ATF6: variants seen among roughly 807,000 people sequenced by gnomAD.
ATF6 encodes cyclic AMP-dependent transcription factor ATF-6 alpha.
ATF6 carries 53 observed loss-of-function variants against 83.6 expected under a neutral mutation model. The ratio of observed to expected loss-of-function variants is 0.63; its 90% CI spans 0.51 to 0.80. ATF6 has a LOEUF of 0.80. Among genes scored for constraint, ATF6 ranks in the 30% least tolerant of loss-of-function variants. The pLI is 0.00. For missense variants in ATF6, 744 were observed against 797.9 expected, an observed-to-expected ratio of 0.93 and a Z score of 0.81; for synonymous variants, 288 against 285.8, an observed-to-expected ratio of 1.01 and a Z score of -0.08.
At chr1:161,851,430 T>C (rs1686629001) in intron 10 of ATF6, among the ~76,000 whole-genome samples, 1 of 152,212 alleles carries the variant, frequency 6.6e-6, no homozygotes, top group South Asian at 2.1e-4. Flanking sequence ...GTGCATGTCT[T>C]AAGCTCATTG....
chr1:161,877,170 A>G (rs1161442033), intron 14 of ATF6, among the ~76,000 whole-genome samples: 3 of 152,060 alleles, frequency 2.0e-5, no homozygotes, highest in African/African-American at 7.2e-5. Context: ...ATGCACTCAG[A>G]AAATAGTTTT....
intron 14 of ATF6, among the ~76,000 whole-genome samples, chr1:161,870,522 G>GT (rs1044470645): frequency 3.4e-4 from 51 of 151,662 alleles, no homozygotes; most frequent in African/African-American, 1.2e-3. Context: ...TGGGGTTTTT[G>GT]TGTGTGTAAA....
chr1:161,828,597 G>C (rs1182595943), intron 9 of ATF6, among the ~76,000 whole-genome samples: 1 of 152,136 alleles, frequency 6.6e-6, no homozygotes. Flanking sequence ...AACAAAAGTT[G>C]CCCTACCACT....
chr1:161,803,840 C>CTT (rs138386883), intron 7 of ATF6, among the ~76,000 whole-genome samples: 3 of 151,404 alleles, frequency 2.0e-5, no homozygotes, highest in African/African-American at 7.3e-5. Context: ...TTTGAAATTT[C>CTT]TTTTTTTTTG....
chr1:161,927,444 C>T (rs945088112), intron 15 of ATF6, among the ~76,000 whole-genome samples: 1 of 152,180 alleles, frequency 6.6e-6, no homozygotes, highest in Non-Finnish European at 1.5e-5. Context: ...GCTGGGATTA[C>T]AAGCGTGAGC....
intron 1 of ATF6, among the ~76,000 whole-genome samples, chr1:161,772,451 T>C (rs961224727): frequency 1.3e-5 from 2 of 152,146 alleles, no homozygotes; most frequent in Non-Finnish European, 2.9e-5. Flanking sequence ...CTCCAACATC[T>C]CTCCCATCCT....
At chr1:161,813,218 A>G (rs574665976) in intron 7 of ATF6, among the ~76,000 whole-genome samples, 1 of 152,332 alleles carries the variant, frequency 6.6e-6, no homozygotes, top group Non-Finnish European at 1.5e-5. Context: ...ATTTTTAAAA[A>G]TTAAGGTAGC....
At chr1:161,874,185 G>A (rs2101851133) in intron 14 of ATF6, among the ~76,000 whole-genome samples, 1 of 151,648 alleles carries the variant, frequency 6.6e-6, no homozygotes, top group East Asian at 1.9e-4. Context: ...TGGACAGAAA[G>A]GATTATTTTT....
chr1:161,872,845 A>T (rs1325978125), intron 14 of ATF6, among the ~76,000 whole-genome samples: 1 of 151,524 alleles, frequency 6.6e-6, no homozygotes, highest in East Asian at 1.9e-4. Context: ...GATAGCCTAG[A>T]TATAGATAAG....
At chr1:161,869,973 T>C (rs1489783035) in intron 14 of ATF6, among the ~76,000 whole-genome samples, 1 of 151,746 alleles carries the variant, frequency 6.6e-6, no homozygotes, top group East Asian at 1.9e-4. Flanking sequence ...GACACAAAAA[T>C]GGTAAGCATT....
intron 7 of ATF6, among the ~76,000 whole-genome samples, chr1:161,816,567 T>C (rs1423535236): frequency 1.3e-5 from 2 of 152,242 alleles, no homozygotes; most frequent in Non-Finnish European, 2.9e-5. Context: ...CCTTCTACTG[T>C]CTTAACAGTG....
chr1:161,816,640 A>G (rs1685621244), intron 7 of ATF6, among the ~76,000 whole-genome samples: 1 of 152,196 alleles, frequency 6.6e-6, no homozygotes, highest in Admixed American at 6.5e-5. Flanking sequence ...ACAAGAGGAG[A>G]TTAATTGAAT....
intron 14 of ATF6, among the ~76,000 whole-genome samples, chr1:161,880,620 T>G (rs574444649): frequency 3.3e-5 from 5 of 152,266 alleles, no homozygotes; most frequent in Middle Eastern, 3.4e-3. Context: ...TCTTTACTGC[T>G]AATATTCTGG....
At chr1:161,767,721 T>C (rs1182334255) in intron 1 of ATF6, among the ~76,000 whole-genome samples, 10 of 152,234 alleles carry the variant, frequency 6.6e-5, no homozygotes, top group Admixed American at 6.5e-4. Context: ...TATTCTATAA[T>C]GCTTTCCTAA....
intron 15 of ATF6, among the ~76,000 whole-genome samples, chr1:161,922,468 G>A (rs923531841): frequency 3.9e-5 from 6 of 152,044 alleles, no homozygotes; most frequent in African/African-American, 1.2e-4. Flanking sequence ...GCCTCTAAGT[G>A]CAAGAGACAG....
At chr1:161,836,848 C>T (rs1194300647) in intron 9 of ATF6, among the ~76,000 whole-genome samples, 1 of 152,206 alleles carries the variant, frequency 6.6e-6, no homozygotes, top group Non-Finnish European at 1.5e-5. Context: ...CAGAAACCTA[C>T]ATCCCTTGCC....
chr1:161,844,698 T>C (rs1198404233), intron 9 of ATF6, among the ~76,000 whole-genome samples: 1 of 152,216 alleles, frequency 6.6e-6, no homozygotes, highest in Non-Finnish European at 1.5e-5. Context: ...TTTGGCACCA[T>C]GCTTGAAAGA....
chr1:161,880,918 TATC>T (rs1687312070), intron 14 of ATF6, among the ~76,000 whole-genome samples: 1 of 152,162 alleles, frequency 6.6e-6, no homozygotes, highest in African/African-American at 2.4e-5. Context: ...TGATACAGCC[TATC>T]TTTTTATTTT....
chr1:161,890,849 T>C (rs1687538127), intron 14 of ATF6: 1 of 152,334 alleles, frequency 6.6e-6, no homozygotes, highest in Admixed American at 6.5e-5. Flanking sequence ...CTGTTGGGAG[T>C]TGTGGCGGCG....
Sources: gnomAD v4.1 joint callset for allele counts (sites outside exome capture counted in the v4.1 genomes callset) on GRCh38, gnomAD v4.1.1 for gene constraint, MANE v1.5 for transcripts, NCBI Gene and HGNC (gene_info 2026-07-23, HGNC 2026-07-21) for gene names.